The following METTL6 variants were observed in gnomAD, a reference collection of about 807,000 sequenced individuals.
METTL6 encodes methyltransferase 6, tRNA N3-cytidine.
Under a neutral mutation model 26.4 loss-of-function variants are expected in METTL6, and 22 were observed. The ratio of observed to expected loss-of-function variants is 0.83; its 90% CI spans 0.59 to 1.19. METTL6 has a LOEUF of 1.19. METTL6 is among the 50% of genes most tolerant of loss of function. METTL6 has a pLI of 0.00. For missense variants in METTL6, 304 were observed against 324.8 expected (o/e 0.94, Z 0.49); for synonymous variants, 109 against 116.2 (o/e 0.94, Z 0.40).
chr3:15,390,763 C>A (rs1575387011), intron 6 of METTL6, among the ~76,000 whole-genome samples: 1 of 152,216 alleles, frequency 6.6e-6, no homozygotes, highest in Non-Finnish European at 1.5e-5. Context: ...AGGGTGGCAG[C>A]CCCTGCCCTC....
At chr3:15,427,589 C>T (rs757012244), upstream of METTL6, 15 of 593,672 alleles carry the variant, frequency 2.5e-5, no homozygotes, top group African/African-American at 3.8e-5. Flanking sequence ...GCCTTGCCTC[C>T]TCAGATTCCT....
At chr3:15,384,405 A>G (rs1699139612) in intron 6 of METTL6, 1 of 182,044 alleles carries the variant, frequency 5.5e-6, no homozygotes, top group South Asian at 9.2e-5. Context: ...AAATAAAGAA[A>G]AAAATAGAGA....
At chr3:15,425,788 C>G (rs1355614984) in intron 2 of METTL6, among the ~76,000 whole-genome samples, 1 of 152,134 alleles carries the variant, frequency 6.6e-6, no homozygotes, top group Admixed American at 6.5e-5. Context: ...CACTAAAGTT[C>G]TCTCTCCTAT....
chr3:15,386,603 G>A (rs1297676474), intron 6 of METTL6, among the ~76,000 whole-genome samples: 1 of 152,088 alleles, frequency 6.6e-6, no homozygotes, highest in African/African-American at 2.4e-5. Flanking sequence ...GTGTGTATGT[G>A]CAGTATGTTT....
At chr3:15,418,304 C>T (rs537108122) in intron 3 of METTL6, among the ~76,000 whole-genome samples, 1 of 152,180 alleles carries the variant, frequency 6.6e-6, no homozygotes, top group East Asian at 1.9e-4. Context: ...ATGGAAAAGA[C>T]AGACAACATG....
rs1699920972 is a variant in METTL6, at chr3:15,410,438, C to T, written c.*818G>A. 6.6e-6 allele frequency among the ~76,000 whole-genome samples: 1 copy of T among 151,924 alleles called. No individual in the cohort carries two copies. Among genetic ancestry groups the T allele is most frequent in the East Asian group, 1.9e-4 (1 of 5,162 alleles). On this transcript the variant is annotated 3_prime_UTR_variant, in exon 6 of 6. Coordinates refer to ENST00000383790, the MANE Select transcript of METTL6 (RefSeq NM_152396.4). ...TCCAGGCTCAAGCTAACCTCCCACC[C>T]CAGCTGGGACTACAGGCACATGCCA...
chr3:15,406,603 T>C (rs1165046657), downstream of METTL6, among the ~76,000 whole-genome samples: 1 of 27,558 alleles, frequency 3.6e-5, no homozygotes, highest in Non-Finnish European at 7.4e-5. Flanking sequence ...TATATATATA[T>C]ATATATATAT....
At chr3:15,422,368 C>T (rs1201214180) in intron 3 of METTL6, among the ~76,000 whole-genome samples, 2 of 151,844 alleles carry the variant, frequency 1.3e-5, no homozygotes, top group African/African-American at 2.4e-5. Context: ...GTGGCTGATG[C>T]CTGTAATCCC....
intron 4 of METTL6, 118 bp downstream of exon 4, chr3:15,415,654 C>T: frequency 6.2e-7 from 1 of 1,602,880 alleles, no homozygotes; most frequent in Non-Finnish European, 8.5e-7. Context: ...ACTACACAGC[C>T]TACCTAGTGA....
rs1021298479 is a variant in METTL6 at position 15,411,184 on chromosome 3, C to T, written c.*72G>A. On this transcript the variant is annotated 3_prime_UTR_variant, in exon 6 of 6. Transcript: ENST00000383790. The stretch of plus-strand genomic sequence containing the variant: ...TGCTGGGATTACAGGCATGAGCCAC[C>T]GCACCCAGACGAAAGAGTGATTTTA... 8.3e-5 allele frequency: 125 copies of T among 1,509,300 alleles called. No individual in the cohort carries two copies. The East Asian group carries it at 1.3e-3, about 15-fold the overall frequency. The allele number at this position is 1,509,300 out of a possible 1,614,324, so 93.5% of individuals were successfully genotyped here. A position where few individuals can be genotyped will look rare whatever the true frequency, so the allele number is the denominator to read the frequency against.
chr3:15,397,837 T>C (rs1441111761), intron 6 of METTL6, among the ~76,000 whole-genome samples: 1 of 152,156 alleles, frequency 6.6e-6, no homozygotes, highest in Admixed American at 6.5e-5. Flanking sequence ...ACTTCCCCAA[T>C]TATTCCTTCA....
At chr3:15,383,695 A>G (rs912856702) in exon 7 of METTL6, 1 of 152,354 alleles carries the variant, frequency 6.6e-6, no homozygotes, top group African/African-American at 2.4e-5. Flanking sequence ...ATTATTTGTC[A>G]ATTAAAAATG....
chr3:15,410,251 C>G lies in METTL6; in HGVS notation c.*1005G>C, dbSNP rs1220869360. Among the ~76,000 whole-genome samples, 1 of 151,648 alleles carries G rather than the reference C, an allele frequency of 6.6e-6. No individual in the cohort carries two copies. Among genetic ancestry groups the G allele is most frequent in the Admixed American group, 6.6e-5 (1 of 15,228 alleles). On this transcript the variant is annotated 3_prime_UTR_variant, in exon 6 of 6. Transcript: ENST00000383790. Reference sequence around the variant, plus strand: ...GTGGTTGCCTGAAACCAAGATGGTACCAAACTCTAAAAAAAAAAGAACAAC... The same window carrying G: ...GTGGTTGCCTGAAACCAAGATGGTAGCAAACTCTAAAAAAAAAAGAACAAC...
intron 3 of METTL6, among the ~76,000 whole-genome samples, chr3:15,421,744 T>C (rs1248510703): frequency 1.3e-5 from 2 of 152,098 alleles, no homozygotes; most frequent in East Asian, 3.9e-4. Flanking sequence ...ACCCTGTCTG[T>C]ACTAAAAATA....
In METTL6 at chr3:15,426,622, A is replaced by C. The variant is rs895836214; in HGVS notation, c.-111T>G. 12 of 967,210 alleles carry C rather than the reference A, an allele frequency of 1.2e-5. No individual in the cohort carries two copies. The East Asian group carries it at 2.6e-4, about 21-fold the overall frequency. 59.9% of individuals were successfully genotyped at this position (967,210 alleles called of 1,614,324 possible). A position where few individuals can be genotyped will look rare whatever the true frequency, so the allele number is the denominator to read the frequency against. ...TTCCTGAGGTGAGTTTCACGCCTCA[A>C]ACAGCACAGGGGGCTTCGCAGAGAA... On this transcript the variant is annotated 5_prime_UTR_variant, in exon 2 of 6. Transcript: ENST00000383790.
intron 6 of METTL6, among the ~76,000 whole-genome samples, chr3:15,394,683 T>C (rs1215856964): frequency 1.9e-4 from 27 of 145,554 alleles, no homozygotes; most frequent in African/African-American, 3.1e-4. Flanking sequence ...GTCCCAGAGA[T>C]TCTGGTATGT....
rs1179273443 is a variant in METTL6 at position 15,410,310 on chromosome 3, T to G, written c.*946A>C. ...TATACCGTAATAAAAGTTATGTGAA[T>G]GTGATCTTTCAAATTTTTTTTGTTT... On this transcript the variant is annotated 3_prime_UTR_variant, in exon 6 of 6. Transcript: ENST00000383790. 1.3e-5 allele frequency among the ~76,000 whole-genome samples: 2 copies of G among 152,104 alleles called. No individual in the cohort carries two copies. Among genetic ancestry groups the G allele is most frequent in the Non-Finnish European group, 2.9e-5 (2 of 68,000 alleles).
At chr3:15,406,714 T>C (rs536959193), downstream of METTL6, among the ~76,000 whole-genome samples, 18 of 148,980 alleles carry the variant, frequency 1.2e-4, no homozygotes, top group African/African-American at 4.4e-4. Flanking sequence ...TGGCATGATC[T>C]TGGCTCACTG....
At chr3:15,395,694 G>T (rs1299877725) in intron 6 of METTL6, among the ~76,000 whole-genome samples, 1 of 152,044 alleles carries the variant, frequency 6.6e-6, no homozygotes, top group Non-Finnish European at 1.5e-5. Flanking sequence ...GGGCAGGCCT[G>T]GTGGTGACAA....
Sources: gnomAD v4.1 joint callset for allele counts (sites outside exome capture counted in the v4.1 genomes callset) on GRCh38, gnomAD v4.1.1 for gene constraint, MANE v1.5 for transcripts, NCBI Gene and HGNC (gene_info 2026-07-23, HGNC 2026-07-21) for gene names.